Variants in DYNAP observed in about 807,000 individuals in gnomAD.
DYNAP encodes dynactin-associated protein.
In DYNAP, 7 loss-of-function variants were observed where a neutral mutation model predicts 8.5. That is an observed-to-expected ratio of 0.82 (90% confidence interval 0.47 to 1.54). The LOEUF is 1.54. DYNAP is among the 40% of genes most tolerant of loss of function. The pLI is 0.01. For synonymous variants in DYNAP, 77 were observed against 77.9 expected (o/e 0.99, Z 0.06); for missense variants, 256 against 224.3 (o/e 1.14, Z -0.90).
intron 2 of DYNAP, among the ~76,000 whole-genome samples, 169 bp from the exon 3 acceptor site, chr18:54,597,644 G>A (rs1015177081): frequency 6.6e-6 from 1 of 151,696 alleles, no homozygotes; most frequent in Non-Finnish European, 1.5e-5. Flanking sequence ...GTAAGGGACA[G>A]CAGACAATTA....
upstream of DYNAP, chr18:54,591,143 A>C (rs1483322820): frequency 4.1e-6 from 6 of 1,453,478 alleles, no homozygotes; most frequent in East Asian, 1.5e-4. Flanking sequence ...ATTAGTATTT[A>C]GTTTAATCCA....
chr18:54,591,433 C>A, intron 1 of DYNAP, 94 bp downstream of exon 1: 1 of 1,372,264 alleles, frequency 7.3e-7, no homozygotes, highest in Non-Finnish European at 9.6e-7. Flanking sequence ...ACTATCTAGC[C>A]AACATCATAA....
chr18:54,583,752 C>A (rs1910790180), upstream of DYNAP, among the ~76,000 whole-genome samples: 1 of 152,130 alleles, frequency 6.6e-6, no homozygotes, highest in Admixed American at 6.5e-5. Context: ...TGAACATGTG[C>A]TGTCAATATT....
upstream of DYNAP, among the ~76,000 whole-genome samples, chr18:54,586,099 T>C (rs1261453688): frequency 6.6e-6 from 1 of 152,188 alleles, no homozygotes; most frequent in Non-Finnish European, 1.5e-5. Flanking sequence ...TGCCCCATCT[T>C]TTAAACCTGA....
chr18:54,598,861 G>GCT lies in DYNAP; in HGVS notation c.*725_*726dup, dbSNP rs1488584583. ...TCTAATAAGAAACACTTTACAACCT[G>GCT]CTCTCTCTCTGAAGTCTGCTTTCTG... is the stretch of plus-strand genomic sequence containing the variant. On this transcript the variant is annotated 3_prime_UTR_variant, in exon 3 of 3. Transcript: ENST00000648945. The GCT allele has an allele frequency of 2.0e-5, 3 of 152,016 alleles. No homozygotes were observed. The highest frequency in any genetic ancestry group is 7.2e-5 in the African/African-American group (3 of 41,414). 9.4% of individuals were successfully genotyped at this position (152,016 alleles called of 1,614,324 possible).
upstream of DYNAP, among the ~76,000 whole-genome samples, chr18:54,583,301 G>A (rs1910778345): frequency 6.6e-6 from 1 of 152,166 alleles, no homozygotes; most frequent in South Asian, 2.1e-4. Context: ...AGTGCAGCCT[G>A]TCACCATAAA....
At chr18:54,587,983 C>G (rs1263127472), upstream of DYNAP, 2 of 395,088 alleles carry the variant, frequency 5.1e-6, no homozygotes, top group Non-Finnish European at 8.9e-6. Context: ...GGTCCTTTCT[C>G]TAATTCCAAC....
chr18:54,578,718 G>C, the DYNAP span, among the ~76,000 whole-genome samples: 1 of 152,084 alleles, frequency 6.6e-6, no homozygotes, highest in Non-Finnish European at 1.5e-5. Flanking sequence ...TAGAAGTAAT[G>C]CTTACACAGT....
intron 1 of DYNAP, among the ~76,000 whole-genome samples, chr18:54,593,846 C>T (rs971555415): frequency 6.6e-6 from 1 of 152,084 alleles, no homozygotes; most frequent in African/African-American, 2.4e-5. Flanking sequence ...GATGAGAGGA[C>T]TGCTTGAGCC....
At chr18:54,586,693 G>GT (rs1226670116), upstream of DYNAP, among the ~76,000 whole-genome samples, 2 of 152,156 alleles carry the variant, frequency 1.3e-5, no homozygotes, top group Admixed American at 6.5e-5. Flanking sequence ...GAAACGAATG[G>GT]TTATCTTGAG....
At chr18:54,584,903 G>C (rs1317069110), upstream of DYNAP, among the ~76,000 whole-genome samples, 1 of 152,182 alleles carries the variant, frequency 6.6e-6, no homozygotes, top group Non-Finnish European at 1.5e-5. Flanking sequence ...GCAGGATGGG[G>C]ATTCAGAGGC....
chr18:54,599,286 C>A lies in DYNAP; in HGVS notation c.*1141C>A, dbSNP rs1911438283. On this transcript the variant is annotated 3_prime_UTR_variant, in exon 3 of 3. Transcript: ENST00000648945. ...ACATCCGAACCTGCAACTACAAATG[C>A]CACCATTACCACTTAAAACTTGATA... 2 of 152,044 alleles carry A rather than the reference C, an allele frequency of 1.3e-5. No homozygotes were observed. The highest frequency in any genetic ancestry group is 1.9e-4 in the East Asian group (1 of 5,178). The allele number at this position is 152,044 out of a possible 1,614,324, so 9.4% of individuals were successfully genotyped here. A position where few individuals can be genotyped will look rare whatever the true frequency, so the allele number is the denominator to read the frequency against.
In DYNAP at chr18:54,598,265, A is replaced by G. The variant is rs7230876; in HGVS notation, c.*120A>G. On this transcript the variant is annotated 3_prime_UTR_variant, in exon 3 of 3. Coordinates refer to ENST00000648945, the MANE Select transcript of DYNAP (RefSeq NM_173629.3). ...TGGAATCATGGCTGCAGTCACTTTAACAGACTCTATAACCGTTACAACTTC... is the reference window on the plus strand; with the variant it reads ...TGGAATCATGGCTGCAGTCACTTTAGCAGACTCTATAACCGTTACAACTTC... 1.9e-3 allele frequency: 2,031 copies of G among 1,066,228 alleles called. 30 individuals are homozygous for G. In the African/African-American group the frequency reaches 0.028, roughly 15 times the overall value. 66.0% of individuals were successfully genotyped at this position (1,066,228 alleles called of 1,614,324 possible).
upstream of DYNAP, among the ~76,000 whole-genome samples, chr18:54,583,910 C>T (rs867482821): frequency 2.0e-5 from 3 of 151,238 alleles, no homozygotes; most frequent in Non-Finnish European, 4.4e-5. Context: ...CCAGTATTTA[C>T]ATACAAGGCA....
upstream of DYNAP, among the ~76,000 whole-genome samples, chr18:54,585,392 C>T (rs1599443830): frequency 1.3e-5 from 2 of 152,090 alleles, no homozygotes; most frequent in East Asian, 3.9e-4. Context: ...CCTATGTAAT[C>T]TAGTTAATAC....
chr18:54,590,470 G>A (rs1337977178), upstream of DYNAP, among the ~76,000 whole-genome samples: 1 of 152,026 alleles, frequency 6.6e-6, no homozygotes, highest in East Asian at 1.9e-4. Flanking sequence ...ATTTATAAGA[G>A]AAATTTCAAA....
Position 54,595,010 on chromosome 18 carries a change from C to T in DYNAP, c.129C>T (p.Thr43=). 6.2e-7 allele frequency: 1 copy of T among 1,612,732 alleles called. No homozygotes were observed. The highest frequency in any genetic ancestry group is 1.1e-5 in the South Asian group (1 of 91,002). The change falls in exon 2 of 3, where the codon ACC becomes ACT. Residue 43 remains threonine, a synonymous_variant. Transcript: ENST00000648945. ...ICWCLPSNDI[T]SDVSPNLTGV... ...GGTGTCTACCTTCAAATGATATAAC[C>T]AGTGATGTCTCTCCCAACTTAACTG...
chr18:54,584,171 A>C (rs769920562), upstream of DYNAP, among the ~76,000 whole-genome samples: 2 of 151,476 alleles, frequency 1.3e-5, no homozygotes, highest in Admixed American at 6.6e-5. Flanking sequence ...ATATATGGTA[A>C]AGTTAACAAA....
chr18:54,578,939 A>G, the DYNAP span, among the ~76,000 whole-genome samples: 1 of 152,070 alleles, frequency 6.6e-6, no homozygotes, highest in Non-Finnish European at 1.5e-5. Context: ...AGCTGGGACT[A>G]CAGGTGCCCA....
Sources: allele counts gnomAD v4.1 joint callset (sites outside exome capture counted in the v4.1 genomes callset), GRCh38; gene constraint gnomAD v4.1.1; transcripts MANE v1.5; gene names NCBI Gene and HGNC (gene_info 2026-07-23, HGNC 2026-07-21).